LHX8: variants seen among roughly 807,000 people sequenced by gnomAD.
LHX8 encodes the protein LIM homeobox 8, also known as LIM/homeobox protein Lhx8.
A neutral mutation model predicts 40.3 loss-of-function variants in LHX8; 12 were observed. The observed-to-expected ratio is 0.30, with a 90% CI of 0.19 to 0.48. LHX8 has a LOEUF of 0.48. LHX8 is among the 20% of genes least tolerant of loss of function. The pLI, the probability that LHX8 is intolerant of heterozygous loss-of-function variation, is 0.99. For synonymous variants in LHX8, 179 were observed against 162.0 expected (o/e 1.10, Z -0.80); for missense variants, 344 against 433.7 (o/e 0.79, Z 1.84).
chr1:75,178,013 C>T, the LHX8 span, among the ~76,000 whole-genome samples: 872 of 152,278 alleles, frequency 5.7e-3, 11 homozygotes, highest in African/African-American at 0.02. Context: ...CCTTGCATCC[C>T]AGGGATGAAG....
At chr1:75,148,379 T>C (rs1557490907) in intron 6 of LHX8, among the ~76,000 whole-genome samples, 1 of 152,220 alleles carries the variant, frequency 6.6e-6, no homozygotes, top group Non-Finnish European at 1.5e-5. Flanking sequence ...TGAAATGGAT[T>C]TTTTTAAAGT....
the LHX8 span, among the ~76,000 whole-genome samples, chr1:75,193,071 T>C: frequency 2.0e-5 from 3 of 152,226 alleles, no homozygotes; most frequent in African/African-American, 4.8e-5. Context: ...TGAGCTAATA[T>C]GCTTTTCCAG....
intron 6 of LHX8, among the ~76,000 whole-genome samples, chr1:75,146,650 C>T (rs957679686): frequency 6.6e-5 from 10 of 152,114 alleles, no homozygotes; most frequent in Non-Finnish European, 1.0e-4. Flanking sequence ...GCTTCAGCAG[C>T]ATTAGTGCCT....
At position 75,136,697 on chromosome 1, in the gene LHX8, C is replaced by T. The variant is rs897679095; in HGVS notation, c.75+8C>T. 2 of 1,541,812 alleles carry T rather than the reference C, an allele frequency of 1.3e-6. No homozygotes were observed. Among genetic ancestry groups the T allele is most frequent in the Admixed American group, 2.0e-5 (1 of 50,946 alleles). ...GCCGGGGAAGAGGGACTGGTGAGTG[C>T]GGAGGGGCTCGCGTGCTGGCAAGAC... On this transcript the variant is annotated splice_region_variant and intron_variant, in intron 2 of 8. Coordinates refer to ENST00000356261, the MANE Select transcript of LHX8 (RefSeq NM_001256114.2).
the LHX8 span, among the ~76,000 whole-genome samples, chr1:75,174,676 C>T: frequency 6.6e-6 from 1 of 152,114 alleles, no homozygotes; most frequent in Non-Finnish European, 1.5e-5. Context: ...ATGACATTTC[C>T]TCTAGAGAAA....
At chr1:75,133,006 T>C (rs1029458940), upstream of LHX8, 1 of 152,194 alleles carries the variant, frequency 6.6e-6, no homozygotes, top group African/African-American at 2.4e-5. Flanking sequence ...ACACAAGTCT[T>C]TCTGGTTCCC....
At chr1:75,152,049 C>T (rs895489588) in intron 7 of LHX8, among the ~76,000 whole-genome samples, 4 of 152,186 alleles carry the variant, frequency 2.6e-5, no homozygotes, top group Admixed American at 2.6e-4. Context: ...TGTATCTATA[C>T]ATAGGCTCAC....
chr1:75,197,396 C>G, the LHX8 span, among the ~76,000 whole-genome samples: 9 of 152,084 alleles, frequency 5.9e-5, no homozygotes, highest in Non-Finnish European at 1.3e-4. Flanking sequence ...CTACTTTGCT[C>G]TTTTGATTTG....
At chr1:75,175,601 C>T in the LHX8 span, among the ~76,000 whole-genome samples, 1 of 152,074 alleles carries the variant, frequency 6.6e-6, no homozygotes, top group South Asian at 2.1e-4. Flanking sequence ...ATTTGTATTT[C>T]TGCTTTTGAG....
chr1:75,170,820 G>T, the LHX8 span, among the ~76,000 whole-genome samples: 1 of 152,150 alleles, frequency 6.6e-6, no homozygotes, highest in Non-Finnish European at 1.5e-5. Context: ...GGAGGGAGTT[G>T]CTAATTCACA....
the LHX8 span, among the ~76,000 whole-genome samples, chr1:75,196,599 G>A: frequency 2.0e-5 from 3 of 152,192 alleles, no homozygotes; most frequent in Non-Finnish European, 2.9e-5. Context: ...AGTGGTTTAG[G>A]GATATATAAG....
chr1:75,177,614 C>T, the LHX8 span, among the ~76,000 whole-genome samples: 2,660 of 152,220 alleles, frequency 0.017, 80 homozygotes, highest in African/African-American at 0.061. Flanking sequence ...ATCATGTCAT[C>T]GGCAAACAGG....
At chr1:75,137,342 A>G (rs1380210521) in intron 3 of LHX8, 81 bp downstream of exon 3, 53 of 1,410,808 alleles carry the variant, frequency 3.8e-5, no homozygotes, top group South Asian at 8.3e-5. Flanking sequence ...TGTTCCTCCC[A>G]CCAACCTTTC....
At chr1:75,195,431 AT>A in the LHX8 span, among the ~76,000 whole-genome samples, 1 of 152,114 alleles carries the variant, frequency 6.6e-6, no homozygotes, top group Admixed American at 6.5e-5. Context: ...CCTTAGGTGA[AT>A]GGATGAGGAT....
At chr1:75,165,508 T>C (rs137930016), downstream of LHX8, among the ~76,000 whole-genome samples, 1,056 of 152,226 alleles carry the variant, frequency 6.9e-3, 11 homozygotes, top group Non-Finnish European at 0.012. Context: ...ACCACAAAGA[T>C]CTGAACTTGC....
At chr1:75,136,850 T>A (rs1237407302) in intron 2 of LHX8, among the ~76,000 whole-genome samples, 161 bp downstream of exon 2, 1 of 151,262 alleles carries the variant, frequency 6.6e-6, no homozygotes, top group South Asian at 2.1e-4. Flanking sequence ...GAAGCTTAGC[T>A]GGCCCGCGAG....
At position 75,161,003 on chromosome 1, in the gene LHX8, C is replaced by A; in HGVS notation, c.*108C>A. 1 of 820,304 alleles carries A rather than the reference C, an allele frequency of 1.2e-6. No homozygotes were observed. Among genetic ancestry groups the A allele is most frequent in the Non-Finnish European group, 2.1e-6 (1 of 483,858 alleles). The allele number at this position is 820,304 out of a possible 1,614,324, so 50.8% of individuals were successfully genotyped here. A position where few individuals can be genotyped will look rare whatever the true frequency, so the allele number is the denominator to read the frequency against. On this transcript the variant is annotated 3_prime_UTR_variant, in exon 9 of 9. Transcript: ENST00000356261. The stretch of plus-strand genomic sequence containing the variant: ...TTAATTTTTTATTTAACACCTAAAG[C>A]ATTTCCAACATCACTTTGCTGCCCA...
the LHX8 span, among the ~76,000 whole-genome samples, chr1:75,174,626 T>C: frequency 6.6e-6 from 1 of 152,198 alleles, no homozygotes; most frequent in East Asian, 1.9e-4. Flanking sequence ...GCCCTGAAAT[T>C]TCAGCCTCAA....
intron 7 of LHX8, among the ~76,000 whole-genome samples, 178 bp downstream of exon 7, chr1:75,148,860 G>A (rs1191751850): frequency 2.0e-5 from 3 of 152,070 alleles, no homozygotes; most frequent in Non-Finnish European, 4.4e-5. Context: ...TTAACTTAAA[G>A]GTCAATCAAG....
Sources: gnomAD v4.1 joint callset for allele counts (sites outside exome capture counted in the v4.1 genomes callset) on GRCh38, gnomAD v4.1.1 for gene constraint, MANE v1.5 for transcripts, NCBI Gene and HGNC (gene_info 2026-07-23, HGNC 2026-07-21) for gene names.